MEIS1: variants seen among roughly 807,000 people sequenced by gnomAD.
The protein encoded by MEIS1 is homeobox protein Meis1.
A neutral mutation model predicts 50.8 loss-of-function variants in MEIS1; 5 were observed. That is an observed-to-expected ratio of 0.10 (90% CI 0.05 to 0.21). The LOEUF (loss-of-function observed/expected upper bound fraction) is 0.21. Among genes scored for constraint, MEIS1 ranks in the 10% least tolerant of loss-of-function variants. MEIS1 has a pLI of 1.00. For synonymous variants in MEIS1, 176 were observed against 179.3 expected, an observed-to-expected ratio of 0.98 and a Z score of 0.15; for missense variants, 318 against 517.3, an observed-to-expected ratio of 0.61 and a Z score of 3.74.
intron 6 of MEIS1, among the ~76,000 whole-genome samples, chr2:66,451,189 A>G (rs1219947949): frequency 1.3e-5 from 2 of 152,130 alleles, no homozygotes; most frequent in Non-Finnish European, 2.9e-5. Flanking sequence ...AACACTTGGT[A>G]TAAAGATTAA....
intron 7 of MEIS1, among the ~76,000 whole-genome samples, chr2:66,489,194 T>A (rs1449395814): frequency 6.6e-6 from 1 of 152,248 alleles, no homozygotes; most frequent in Non-Finnish European, 1.5e-5. Flanking sequence ...GCACACTTAA[T>A]TCTTAGCAAC....
intron 8 of MEIS1, among the ~76,000 whole-genome samples, chr2:66,519,343 A>C (rs1355858312): frequency 6.6e-6 from 1 of 152,136 alleles, no homozygotes; most frequent in African/African-American, 2.4e-5. Flanking sequence ...GATTGTGTAG[A>C]TCCACATCAA....
chr2:66,471,801 A>T (rs944634178), intron 7 of MEIS1, among the ~76,000 whole-genome samples: 2 of 152,194 alleles, frequency 1.3e-5, no homozygotes, highest in African/African-American at 4.8e-5. Context: ...ATAGTGGAAT[A>T]TATTTTCTGT....
At chr2:66,440,051 G>C in intron 3 of MEIS1, 67 bp downstream of exon 3, 1 of 1,162,472 alleles carries the variant, frequency 8.6e-7, no homozygotes, top group Non-Finnish European at 1.1e-6. Flanking sequence ...CAACACACAC[G>C]CGCGCGCGCG....
intron 7 of MEIS1, among the ~76,000 whole-genome samples, chr2:66,497,430 A>G (rs979219473): frequency 3.3e-5 from 5 of 152,220 alleles, no homozygotes; most frequent in African/African-American, 9.6e-5. Context: ...TAAGTGCTCA[A>G]TAAATGTTAG....
chr2:66,493,319 G>A (rs1032747925), intron 7 of MEIS1, among the ~76,000 whole-genome samples: 13 of 152,056 alleles, frequency 8.5e-5, no homozygotes, highest in Non-Finnish European at 1.6e-4. Flanking sequence ...GGATAAGGAC[G>A]CATATTATGA....
intron 4 of MEIS1, 119 bp downstream of exon 4, chr2:66,440,731 G>T (rs768756996): frequency 1.5e-5 from 10 of 671,286 alleles, no homozygotes; most frequent in East Asian, 2.8e-5. Context: ...GTGCCTGCAG[G>T]TTGGCTGCAA....
intron 8 of MEIS1, among the ~76,000 whole-genome samples, chr2:66,525,952 G>T (rs1236251392): frequency 6.6e-6 from 1 of 152,224 alleles, no homozygotes; most frequent in Non-Finnish European, 1.5e-5. Flanking sequence ...ATCACTCACT[G>T]CAGAAACAAC....
At chr2:66,546,070 T>G (rs1674784271) in intron 8 of MEIS1, among the ~76,000 whole-genome samples, 1 of 152,118 alleles carries the variant, frequency 6.6e-6, no homozygotes, top group African/African-American at 2.4e-5. Context: ...TTATTAGCAT[T>G]GGTAGATGAG....
At chr2:66,435,904 G>C in intron 1 of MEIS1, 36 bp downstream of exon 1, 1 of 1,542,048 alleles carries the variant, frequency 6.5e-7, no homozygotes, top group Non-Finnish European at 8.7e-7. Flanking sequence ...ACTCAAATGT[G>C]AGATTAAATT....
chr2:66,568,530 TTTG>T, intron 10 of MEIS1, 134 bp from the exon 11 acceptor site: 1 of 365,406 alleles, frequency 2.7e-6, no homozygotes. Context: ...GAAATTTCAC[TTTG>T]AATGTTTAAA....
At chr2:66,480,791 T>G (rs1672997526) in intron 7 of MEIS1, among the ~76,000 whole-genome samples, 1 of 152,210 alleles carries the variant, frequency 6.6e-6, no homozygotes, top group Admixed American at 6.5e-5. Context: ...ATTTCTCTAC[T>G]TGTGCATTTC....
intron 2 of MEIS1, 60 bp from the exon 3 acceptor site, chr2:66,439,782 CT>C: frequency 3.7e-6 from 6 of 1,606,580 alleles, no homozygotes; most frequent in Non-Finnish European, 5.1e-6. Context: ...TCTTGGGCAC[CT>C]TTTTCCATTG....
chr2:66,503,725 A>G (rs541617961), intron 7 of MEIS1, among the ~76,000 whole-genome samples: 2 of 146,894 alleles, frequency 1.4e-5, no homozygotes, highest in South Asian at 2.2e-4. Context: ...AGATGGTTAC[A>G]TATATGGGGC....
At chr2:66,488,080 A>C (rs554590299) in intron 7 of MEIS1, among the ~76,000 whole-genome samples, 3 of 152,228 alleles carry the variant, frequency 2.0e-5, no homozygotes, top group Non-Finnish European at 4.4e-5. Context: ...TTCCAAATGC[A>C]TATCAGCTTT....
chr2:66,440,130 T>G (rs1164787608), intron 3 of MEIS1, 146 bp downstream of exon 3: 17 of 824,064 alleles, frequency 2.1e-5, no homozygotes, highest in Non-Finnish European at 3.1e-5. Flanking sequence ...TAGTCGGCCT[T>G]AAGCCATGCA....
At position 66,537,611 on chromosome 2, in the gene MEIS1, G is replaced by A. The variant is rs186710784; in HGVS notation, c.889-10332G>A. Among the ~76,000 whole-genome samples the A allele has an allele frequency of 5.9e-5, 9 of 152,112 alleles. No individual in the cohort carries two copies. In the East Asian group the frequency reaches 1.7e-3, roughly 29 times the overall value. The stretch of plus-strand genomic sequence containing the variant: ...ATGTACCATTTTGCTTCTAACTTAC[G>A]GATACTTTATTCTTTAGACAAGGAT... On this transcript the variant is annotated intron_variant, in intron 8 of 12. Coordinates refer to ENST00000272369, the MANE Select transcript of MEIS1 (RefSeq NM_002398.3).
intron 6 of MEIS1, among the ~76,000 whole-genome samples, chr2:66,454,516 A>G (rs1672343509): frequency 6.6e-6 from 1 of 151,970 alleles, no homozygotes; most frequent in African/African-American, 2.4e-5. Flanking sequence ...TCTGAATACA[A>G]ATACTTCATG....
At chr2:66,503,693 A>G (rs1287964162) in intron 7 of MEIS1, among the ~76,000 whole-genome samples, 1 of 151,600 alleles carries the variant, frequency 6.6e-6, no homozygotes, top group Non-Finnish European at 1.5e-5. Flanking sequence ...ATGAACGAAT[A>G]ACAAGAATGA....
Sources: allele counts gnomAD v4.1 joint callset (sites outside exome capture counted in the v4.1 genomes callset), GRCh38; gene constraint gnomAD v4.1.1; transcripts MANE v1.5; gene names NCBI Gene and HGNC (gene_info 2026-07-23, HGNC 2026-07-21).